Variants in JAKMIP2 observed in about 807,000 individuals in gnomAD.
JAKMIP2 encodes janus kinase and microtubule-interacting protein 2.
Under a neutral mutation model 115.0 loss-of-function variants are expected in JAKMIP2, and 25 were observed. That is an observed-to-expected ratio of 0.22 (90% CI 0.16 to 0.30). The LOEUF is 0.30. Among genes scored for constraint, JAKMIP2 ranks in the 10% least tolerant of loss-of-function variants. The probability of loss-of-function intolerance (pLI) is 1.00; values close to 1 mark genes in which losing one functional copy is unlikely to be tolerated. For missense variants in JAKMIP2, 642 were observed against 957.6 expected, an observed-to-expected ratio of 0.67 and a Z score of 4.35; for synonymous variants, 334 against 343.6, an observed-to-expected ratio of 0.97 and a Z score of 0.31.
chr5:147,630,037 C>T (rs2126681775), intron 14 of JAKMIP2, among the ~76,000 whole-genome samples: 1 of 152,162 alleles, frequency 6.6e-6, no homozygotes, highest in East Asian at 1.9e-4. Context: ...ATGAAAGAGT[C>T]TAGCATGTAG....
At chr5:147,747,074 C>T (rs1236953821) in intron 1 of JAKMIP2, among the ~76,000 whole-genome samples, 1 of 152,138 alleles carries the variant, frequency 6.6e-6, no homozygotes, top group Non-Finnish European at 1.5e-5. Context: ...CACCCACTCT[C>T]CCACATACCA....
At chr5:147,595,585 T>C (rs890149416) in intron 21 of JAKMIP2, 20 of 453,800 alleles carry the variant, frequency 4.4e-5, no homozygotes, top group Non-Finnish European at 8.8e-5. Context: ...TAGTCTCAGG[T>C]ATTTTGTTAT....
intron 1 of JAKMIP2, among the ~76,000 whole-genome samples, chr5:147,778,890 A>G (rs890021561): frequency 6.6e-6 from 1 of 152,076 alleles, no homozygotes; most frequent in Non-Finnish European, 1.5e-5. Context: ...TTGTTAGTCA[A>G]TTTATTAATT....
intron 1 of JAKMIP2, among the ~76,000 whole-genome samples, chr5:147,705,881 G>A (rs1164982400): frequency 1.3e-5 from 2 of 152,176 alleles, no homozygotes; most frequent in Non-Finnish European, 2.9e-5. Context: ...TGTGGATGTG[G>A]GGAAACACTC....
intron 5 of JAKMIP2, among the ~76,000 whole-genome samples, chr5:147,646,217 A>G (rs1758123967): frequency 6.6e-6 from 1 of 152,228 alleles, no homozygotes; most frequent in Non-Finnish European, 1.5e-5. Flanking sequence ...CTGCAAATCC[A>G]TCTCAATCTC....
intron 1 of JAKMIP2, among the ~76,000 whole-genome samples, chr5:147,673,835 A>G (rs1013784189): frequency 6.8e-6 from 1 of 146,782 alleles, no homozygotes; most frequent in African/African-American, 2.6e-5. Context: ...ATATATATAT[A>G]TCTATCTAAC....
At chr5:147,715,641 A>C (rs1752948553) in intron 1 of JAKMIP2, among the ~76,000 whole-genome samples, 1 of 151,814 alleles carries the variant, frequency 6.6e-6, no homozygotes, top group Admixed American at 6.6e-5. Context: ...TGTATATATT[A>C]ATACAGCTTC....
chr5:147,719,790 G>C (rs1753184816), intron 1 of JAKMIP2, among the ~76,000 whole-genome samples: 1 of 151,720 alleles, frequency 6.6e-6, no homozygotes, highest in South Asian at 2.1e-4. Flanking sequence ...GATGGGTCTT[G>C]ACTCTTTATC....
At chr5:147,777,814 C>G (rs543039868) in intron 1 of JAKMIP2, among the ~76,000 whole-genome samples, 1 of 151,892 alleles carries the variant, frequency 6.6e-6, no homozygotes, top group Non-Finnish European at 1.5e-5. Flanking sequence ...TTACCCAATA[C>G]TTACACCAGT....
intron 1 of JAKMIP2, among the ~76,000 whole-genome samples, chr5:147,695,664 G>GTT (rs1307266612): frequency 3.8e-4 from 55 of 143,412 alleles, no homozygotes; most frequent in African/African-American, 1.4e-3. Flanking sequence ...GTGTGTGTGT[G>GTT]TGTGTGTGTG....
chr5:147,721,452 C>T (rs1753285670), intron 1 of JAKMIP2, among the ~76,000 whole-genome samples: 3 of 152,260 alleles, frequency 2.0e-5, no homozygotes, highest in Admixed American at 1.3e-4. Flanking sequence ...CCCAGCCTCG[C>T]TGCCACCTTG....
At chr5:147,662,183 C>T (rs1215544837) in intron 2 of JAKMIP2, among the ~76,000 whole-genome samples, 1 of 151,562 alleles carries the variant, frequency 6.6e-6, no homozygotes, top group Non-Finnish European at 1.5e-5. Context: ...CACACACACA[C>T]ACAAACAAAA....
At chr5:147,720,668 C>T (rs1430354633) in intron 1 of JAKMIP2, among the ~76,000 whole-genome samples, 1 of 152,040 alleles carries the variant, frequency 6.6e-6, no homozygotes, top group East Asian at 1.9e-4. Flanking sequence ...GCATTCTTCA[C>T]GTAGTTCTCG....
At chr5:147,723,189 T>C (rs1753385991) in intron 1 of JAKMIP2, among the ~76,000 whole-genome samples, 1 of 152,154 alleles carries the variant, frequency 6.6e-6, no homozygotes, top group Non-Finnish European at 1.5e-5. Flanking sequence ...GAGAATACCA[T>C]ATATCCTACG....
At chr5:147,660,513 T>C (rs1465938541) in intron 3 of JAKMIP2, 6 of 453,702 alleles carry the variant, frequency 1.3e-5, no homozygotes, top group Non-Finnish European at 2.7e-5. Flanking sequence ...TCAGACATCA[T>C]GAAAGTCTTC....
rs900276946 is a variant in JAKMIP2, at chr5:147,721,434, G to A, written c.-148-49480C>T. Among the ~76,000 whole-genome samples the A allele has an allele frequency of 3.9e-4, 59 of 152,272 alleles. No homozygotes were observed. In the East Asian group the frequency reaches 9.9e-3, roughly 26 times the overall value. ...TCAGCAAGCCTGGGCAATGGCGGGC[G>A]CCCCTCCCCCAGCCTCGCTGCCACC... On this transcript the variant is annotated intron_variant, in intron 1 of 21. Coordinates refer to ENST00000616793, the MANE Select transcript of JAKMIP2 (RefSeq NM_001270941.2).
chr5:147,624,035 A>C (rs1260041912), intron 16 of JAKMIP2, among the ~76,000 whole-genome samples: 2 of 151,982 alleles, frequency 1.3e-5, no homozygotes, highest in Non-Finnish European at 2.9e-5. Context: ...GGGTTTCACC[A>C]TCTTGGCCAG....
At chr5:147,779,144 C>T (rs1755667047) in intron 1 of JAKMIP2, among the ~76,000 whole-genome samples, 1 of 152,116 alleles carries the variant, frequency 6.6e-6, no homozygotes, top group African/African-American at 2.4e-5. Context: ...CCAAATATTG[C>T]CTAAGTCATC....
chr5:147,662,837 T>A (rs1759091994), intron 2 of JAKMIP2, among the ~76,000 whole-genome samples: 1 of 151,818 alleles, frequency 6.6e-6, no homozygotes, highest in South Asian at 2.1e-4. Flanking sequence ...ATACAAAAAT[T>A]GGCTGGGCGT....
Sources: gnomAD v4.1 joint callset for allele counts (sites outside exome capture counted in the v4.1 genomes callset) on GRCh38, gnomAD v4.1.1 for gene constraint, MANE v1.5 for transcripts, NCBI Gene and HGNC (gene_info 2026-07-23, HGNC 2026-07-21) for gene names.